The following ROR2 variants were observed in gnomAD, a reference collection of about 807,000 sequenced individuals.
The protein encoded by ROR2 is tyrosine-protein kinase transmembrane receptor ROR2.
In ROR2, 33 loss-of-function variants were observed where a neutral mutation model predicts 74.9. That is an observed-to-expected ratio of 0.44 (90% CI 0.33 to 0.59). ROR2 has a LOEUF of 0.59. Ranked by LOEUF, ROR2 falls within the 20% of genes least tolerant of loss-of-function variation. The pLI is 0.02. For synonymous variants in ROR2, 586 were observed against 558.7 expected, an observed-to-expected ratio of 1.05 and a Z score of -0.69; for missense variants, 1,216 against 1,313.8, an observed-to-expected ratio of 0.93 and a Z score of 1.15.
At chr9:91,801,960 G>A (rs1827395483) in intron 1 of ROR2, among the ~76,000 whole-genome samples, 1 of 152,186 alleles carries the variant, frequency 6.6e-6, no homozygotes. Flanking sequence ...CCATGCCCCA[G>A]TGCATCCTTG....
intron 1 of ROR2, among the ~76,000 whole-genome samples, chr9:91,786,661 G>C (rs887822931): frequency 6.6e-6 from 1 of 152,168 alleles, no homozygotes; most frequent in African/African-American, 2.4e-5. Flanking sequence ...CCCCATAACA[G>C]AGTCAACATT....
intron 1 of ROR2, among the ~76,000 whole-genome samples, chr9:91,900,216 G>A (rs1830636703): frequency 6.6e-6 from 1 of 152,198 alleles, no homozygotes; most frequent in Non-Finnish European, 1.5e-5. Context: ...GGCCGCCAGG[G>A]GGTGGGGGGC....
chr9:91,793,105 G>T (rs1311872397), intron 1 of ROR2, among the ~76,000 whole-genome samples: 1 of 152,008 alleles, frequency 6.6e-6, no homozygotes, highest in Admixed American at 6.6e-5. Context: ...CAAAAACATC[G>T]AAGGAAACAA....
chr9:91,938,821 T>C (rs1421211342), intron 1 of ROR2, among the ~76,000 whole-genome samples: 1 of 152,214 alleles, frequency 6.6e-6, no homozygotes, highest in East Asian at 1.9e-4. Context: ...TAACCCACAG[T>C]TGAGAATTAG....
chr9:91,810,191 T>A (rs144760264), intron 1 of ROR2, among the ~76,000 whole-genome samples: 29 of 152,256 alleles, frequency 1.9e-4, no homozygotes, highest in African/African-American at 6.7e-4. Context: ...AGAATCAGAA[T>A]GGGGTCTATG....
At chr9:91,772,401 C>T (rs1826260837) in intron 2 of ROR2, among the ~76,000 whole-genome samples, 1 of 152,180 alleles carries the variant, frequency 6.6e-6, no homozygotes, top group African/African-American at 2.4e-5. Context: ...TGGGGGTGCT[C>T]CCATCTTGAA....
intron 4 of ROR2, among the ~76,000 whole-genome samples, chr9:91,742,485 T>TA (rs1825286326): frequency 6.6e-6 from 1 of 152,052 alleles, no homozygotes; most frequent in Admixed American, 6.6e-5. Flanking sequence ...ATGGAAACTA[T>TA]AAAAGAACTA....
intron 1 of ROR2, among the ~76,000 whole-genome samples, chr9:91,794,300 T>C (rs989693365): frequency 6.6e-6 from 1 of 152,248 alleles, no homozygotes; most frequent in Non-Finnish European, 1.5e-5. Context: ...AACACTAAGT[T>C]TCTACTGTCA....
intron 1 of ROR2, among the ~76,000 whole-genome samples, chr9:91,944,800 C>T (rs990581296): frequency 6.6e-6 from 1 of 151,254 alleles, no homozygotes; most frequent in Non-Finnish European, 1.5e-5. Flanking sequence ...CTCATGCCTA[C>T]GATCCCAGGA....
intron 1 of ROR2, among the ~76,000 whole-genome samples, chr9:91,863,786 T>C (rs2119310479): frequency 6.6e-6 from 1 of 152,318 alleles, no homozygotes; most frequent in East Asian, 1.9e-4. Context: ...CTGATGGGCA[T>C]GGTTTTCAGG....
chr9:91,749,540 T>A (rs893943444), intron 4 of ROR2, among the ~76,000 whole-genome samples: 1 of 152,216 alleles, frequency 6.6e-6, no homozygotes, highest in African/African-American at 2.4e-5. Context: ...GGGAAACACA[T>A]TTCAGTCCAT....
intron 1 of ROR2, among the ~76,000 whole-genome samples, chr9:91,853,091 G>A (rs1443618740): frequency 5.3e-5 from 8 of 152,226 alleles, no homozygotes; most frequent in Admixed American, 5.2e-4. Flanking sequence ...AGGCAGCCAG[G>A]CTGTGGGAGA....
intron 1 of ROR2, among the ~76,000 whole-genome samples, chr9:91,903,064 C>T (rs1830715047): frequency 6.6e-6 from 1 of 151,972 alleles, no homozygotes; most frequent in East Asian, 1.9e-4. Context: ...GCATTTAATG[C>T]CACCAAACAA....
chr9:91,922,937 T>A (rs1395509093), intron 1 of ROR2, among the ~76,000 whole-genome samples: 1 of 151,808 alleles, frequency 6.6e-6, no homozygotes, highest in Non-Finnish European at 1.5e-5. Context: ...CAAAGCCCTG[T>A]CCTCCAACAG....
intron 1 of ROR2, among the ~76,000 whole-genome samples, chr9:91,937,622 C>G (rs182727436): frequency 6.6e-6 from 1 of 151,870 alleles, no homozygotes; most frequent in Non-Finnish European, 1.5e-5. Context: ...TCACTTGTTC[C>G]AATTTGTAGA....
At chr9:91,832,535 C>A (rs1439736485) in intron 1 of ROR2, among the ~76,000 whole-genome samples, 1 of 152,058 alleles carries the variant, frequency 6.6e-6, no homozygotes, top group Non-Finnish European at 1.5e-5. Context: ...GGGAGATAAT[C>A]TTTGATGACC....
intron 1 of ROR2, among the ~76,000 whole-genome samples, chr9:91,919,524 A>C (rs1199811556): frequency 6.6e-6 from 1 of 152,026 alleles, no homozygotes. Flanking sequence ...TGAATCCTAC[A>C]CCTCAACCTC....
rs554832015 is a variant in ROR2 at position 91,838,860 on chromosome 9, C to T, written c.98-63042G>A. Among the ~76,000 whole-genome samples the T allele has an allele frequency of 3.9e-5, 6 of 152,186 alleles. No individual in the cohort carries two copies. In the South Asian group the frequency reaches 1.2e-3, roughly 32 times the overall value. ...TTCTGGAGTTTTAAATAAACGGGCA[C>T]AAAGAACAAGAAAATCGTCTTTCGG... On this transcript the variant is annotated intron_variant, in intron 1 of 8. Transcript: ENST00000375708.
intron 1 of ROR2, among the ~76,000 whole-genome samples, chr9:91,799,219 A>C (rs1827294828): frequency 6.6e-6 from 1 of 152,032 alleles, no homozygotes; most frequent in Non-Finnish European, 1.5e-5. Flanking sequence ...TTTCAATGAC[A>C]CTGCCCCAGG....
Sources: allele counts gnomAD v4.1 joint callset (sites outside exome capture counted in the v4.1 genomes callset), GRCh38; gene constraint gnomAD v4.1.1; transcripts MANE v1.5; gene names NCBI Gene and HGNC (gene_info 2026-07-23, HGNC 2026-07-21).